Variants in MAST1 observed in about 807,000 individuals in gnomAD.
The protein encoded by MAST1 is microtubule associated serine/threonine kinase 1, also known as microtubule-associated serine/threonine-protein kinase 1.
A neutral mutation model predicts 124.6 loss-of-function variants in MAST1; 40 were observed. The observed-to-expected ratio is 0.32, with a 90% CI of 0.25 to 0.42. MAST1 has a LOEUF of 0.42. Among genes scored for constraint, MAST1 ranks in the 10% least tolerant of loss-of-function variants. The probability of loss-of-function intolerance (pLI) is 1.00; values close to 1 mark genes in which losing one functional copy is unlikely to be tolerated. For synonymous variants in MAST1, 938 were observed against 939.4 expected, an observed-to-expected ratio of 1.00 and a Z score of 0.03; for missense variants, 1,558 against 2,181.9, an observed-to-expected ratio of 0.71 and a Z score of 5.70.
At chr19:12,869,910 C>T (rs1471096668) in intron 22 of MAST1, among the ~76,000 whole-genome samples, 6 of 151,498 alleles carry the variant, frequency 4.0e-5, no homozygotes, top group Non-Finnish European at 7.4e-5. Context: ...AAAATTGGGC[C>T]GAGCGCGGTG....
intron 2 of MAST1, among the ~76,000 whole-genome samples, 174 bp downstream of exon 2, chr19:12,840,708 C>A (rs1481666054): frequency 4.6e-5 from 7 of 151,606 alleles, no homozygotes; most frequent in Non-Finnish European, 8.8e-5. Flanking sequence ...GAGGGACGGT[C>A]ATTGGGGGGC....
Position 12,873,320 on chromosome 19 carries a change from G to T in MAST1, c.3264-4G>T, listed in dbSNP as rs765092789. On this transcript the variant is annotated splice_polypyrimidine_tract_variant and splice_region_variant and intron_variant, in intron 24 of 25. Transcript: ENST00000251472. ...GGACGCTTGGCCCCCTCCCTGTCCC[G>T]CAGCAAGAAGCGCAGCTCCCTCTTC... is the stretch of plus-strand genomic sequence containing the variant. 6.2e-7 allele frequency: 1 copy of T among 1,611,196 alleles called. No individual in the cohort carries two copies. Among genetic ancestry groups the T allele is most frequent in the East Asian group, 2.2e-5 (1 of 44,760 alleles).
chr19:12,838,817 G>A lies in MAST1; in HGVS notation c.83+162G>A, dbSNP rs1357587520. Among the ~76,000 whole-genome samples the A allele has an allele frequency of 2.0e-5, 3 of 151,786 alleles. No individual in the cohort carries two copies. The highest frequency in any genetic ancestry group is 4.8e-5 in the African/African-American group (2 of 41,328). ...CGGGGTTGGGGTTGAATGGGGGGTGGTGTGGGCCGAGTCTGGGGGGCTTGC... is the reference window on the plus strand; with the variant it reads ...CGGGGTTGGGGTTGAATGGGGGGTGATGTGGGCCGAGTCTGGGGGGCTTGC... On this transcript the variant is annotated intron_variant, in intron 1 of 25. Transcript: ENST00000251472. The surrounding 1 kb of genome is among the most constrained non-coding windows in gnomAD (Gnocchi z 4.3).
Position 12,873,670 on chromosome 19 carries a change from G to A in MAST1, c.3513G>A (p.Ala1171=), listed in dbSNP as rs34167019. 8.1e-6 allele frequency: 13 copies of A among 1,598,328 alleles called. No individual in the cohort carries two copies. In the African/African-American group the frequency reaches 1.7e-4, roughly 21 times the overall value. ...CGCCCAACTCGCCTGCGTCGTCGGC[G>A]TCGCACCACATTCGGCCCAGCACGC... ...SSTPNSPASS[A]SHHIRPSTLH... is the part of the protein sequence containing the mutation. Residue 1171 remains alanine, a synonymous_variant, in exon 26 of 26, where the codon GCG becomes GCA. Coordinates refer to ENST00000251472, the MANE Select transcript of MAST1 (RefSeq NM_014975.3).
chr19:12,873,485 G>C lies in MAST1; in HGVS notation c.3425G>C (p.Arg1142Pro). The change falls in exon 25 of 26, where the codon CGC (arginine) becomes CCC (proline). Residue 1142 changes from arginine to proline, a missense_variant. Around this residue, in one of 10 missense-constraint regions of MAST1, gnomAD observed 291 missense variants for 475.8 expected, o/e 0.61. Transcript: ENST00000251472. ...GCGCGCTCGCCCACGCACAGCTACC[G>C]CTCCACGCCTGACTCCGCCTACCTA... ...LPARSPTHSY[R>P]STPDSAYLGA... The C allele has an allele frequency of 6.2e-7, 1 of 1,607,260 alleles. No homozygotes were observed. Among genetic ancestry groups the C allele is most frequent in the Non-Finnish European group, 8.5e-7 (1 of 1,178,986 alleles).
rs748679075 is a variant in MAST1, at chr19:12,858,584, A to C, written c.1211A>C (p.Lys404Thr). Residue 404 changes from lysine (K) to threonine (T), a missense_variant, in exon 12 of 26, where the codon AAG (lysine) becomes ACG (threonine). By Grantham distance (78) the Lys-to-Thr change is moderately conservative (BLOSUM62 -1). Transcript: ENST00000251472. Reference protein sequence around the residue: ...RDTRQRFAMKKINKQNLILRN... With the variant: ...RDTRQRFAMKTINKQNLILRN... ...ACGCGGCAGCGCTTTGCCATGAAAA[A>C]GATCAACAAGCAGAACTTGATCCTC... The C allele has an allele frequency of 6.2e-7, 1 of 1,614,242 alleles. No homozygotes were observed.
At chr19:12,870,318 T>C (rs547537148) in intron 22 of MAST1, among the ~76,000 whole-genome samples, 36 of 149,160 alleles carry the variant, frequency 2.4e-4, no homozygotes, top group Admixed American at 1.0e-3. Context: ...TGAAACCCCA[T>C]CTCTACTAAA....
intron 10 of MAST1, among the ~76,000 whole-genome samples, chr19:12,857,187 G>A (rs948382168): frequency 1.3e-4 from 20 of 151,706 alleles, no homozygotes; most frequent in Admixed American, 8.6e-4. Context: ...GGGTTCAAGC[G>A]ATTCTCCTGC....
chr19:12,854,698 T>C (rs1210673354), intron 10 of MAST1, among the ~76,000 whole-genome samples: 1 of 152,224 alleles, frequency 6.6e-6, no homozygotes. Context: ...TTATTTAGGA[T>C]ATACGTCTAG....
At chr19:12,873,232 T>C in intron 24 of MAST1, 92 bp from the exon 25 acceptor site, 1 of 1,255,486 alleles carries the variant, frequency 8.0e-7, no homozygotes, top group Non-Finnish European at 1.1e-6. Context: ...CCAGAAGGGG[T>C]GGGTGGTTAC....
chr19:12,842,585 G>A (rs1599575778), intron 3 of MAST1, among the ~76,000 whole-genome samples: 1 of 152,134 alleles, frequency 6.6e-6, no homozygotes, highest in South Asian at 2.1e-4. Context: ...GAGCCACCGC[G>A]CCCGTCCAGT....
chr19:12,874,633 C>A lies in MAST1; in HGVS notation c.4476C>A (p.Ser1492Arg). 1.3e-6 allele frequency: 2 copies of A among 1,519,804 alleles called. No homozygotes were observed. The highest frequency in any genetic ancestry group is 1.8e-6 in the Non-Finnish European group (2 of 1,132,772). The allele number at this position is 1,519,804 out of a possible 1,614,324, so 94.1% of individuals were successfully genotyped here. ...LEVVEERTTL[S>R]GPRSKPASPK... The stretch of plus-strand genomic sequence containing the variant: ...TGGTGGAGGAGCGCACCACGCTGAG[C>A]GGTCCTCGCTCCAAGCCCGCCTCCC... Residue 1492 changes from serine to arginine, a missense_variant, in exon 26 of 26, where the codon AGC becomes AGA. By Grantham distance (110) the Ser-to-Arg change is moderately radical. This residue lies in a region of MAST1 where 168 missense variants were observed against 154.3 expected (regional missense o/e 1.09). Coordinates refer to ENST00000251472, the MANE Select transcript of MAST1 (RefSeq NM_014975.3). The surrounding 1 kb of genome is among the most constrained non-coding windows in gnomAD (Gnocchi z 6.6).
At chr19:12,864,700 C>T in intron 12 of MAST1, 109 bp from the exon 13 acceptor site, 2 of 1,434,820 alleles carry the variant, frequency 1.4e-6, no homozygotes, top group East Asian at 2.3e-5. Flanking sequence ...GCCTCAGTTT[C>T]CCTTATCTAT....
intron 3 of MAST1, among the ~76,000 whole-genome samples, chr19:12,842,928 T>C (rs1285196542): frequency 3.3e-5 from 5 of 152,048 alleles, no homozygotes; most frequent in Non-Finnish European, 5.9e-5. Flanking sequence ...TTTGGGTCCA[T>C]GGATGGGATA....
rs777246486 is a variant in MAST1 at position 12,866,618 on chromosome 19, C to T, written c.2030-35C>T. On this transcript the variant is annotated intron_variant, in intron 17 of 25. Transcript: ENST00000251472. The surrounding 1 kb of genome is among the most constrained non-coding windows in gnomAD (Gnocchi z 5.2). ...GGGGATGTGATATGAGGAGGAACCC[C>T]GTACCCTCAGTCACAGCCCATACCC... is the stretch of plus-strand genomic sequence containing the variant. 2 of 1,419,948 alleles carry T rather than the reference C, an allele frequency of 1.4e-6. No individual in the cohort carries two copies. The highest frequency in any genetic ancestry group is 1.4e-5 in the African/African-American group (1 of 70,748). The allele number at this position is 1,419,948 out of a possible 1,614,324, so 88.0% of individuals were successfully genotyped here. A position where few individuals can be genotyped will look rare whatever the true frequency, so the allele number is the denominator to read the frequency against.
In MAST1 at chr19:12,847,820, C is replaced by G. The variant is rs1215264582; in HGVS notation, c.565-28C>G. 4 of 1,594,346 alleles carry G rather than the reference C, an allele frequency of 2.5e-6. No individual in the cohort carries two copies. The highest frequency in any genetic ancestry group is 2.3e-5 in the East Asian group (1 of 44,146). ...GCGGCCGCAGCCTTCGGGCACAGCC[C>G]CGCGCCCCTCCTCCGTCCCTCCCGC... On this transcript the variant is annotated intron_variant, in intron 6 of 25. Transcript: ENST00000251472. The surrounding 1 kb of genome is among the most constrained non-coding windows in gnomAD (Gnocchi z 5.5).
At chr19:12,858,303 T>C in intron 10 of MAST1, 59 bp from the exon 11 acceptor site, 1 of 1,436,386 alleles carries the variant, frequency 7.0e-7, no homozygotes, top group Non-Finnish European at 9.6e-7. Flanking sequence ...AAAATGAAAT[T>C]AAAAGCATCC....
chr19:12,862,915 C>T (rs534638716), intron 12 of MAST1, among the ~76,000 whole-genome samples: 2 of 151,874 alleles, frequency 1.3e-5, no homozygotes, highest in Admixed American at 1.3e-4. Flanking sequence ...GATGTGCCTG[C>T]CTCGGCTTCC....
At position 12,869,190 on chromosome 19, in the gene MAST1, C is replaced by G. The variant is rs375859312; in HGVS notation, c.2898C>G (p.Ser966=). 3.7e-6 allele frequency: 6 copies of G among 1,614,078 alleles called. No individual in the cohort carries two copies. The highest frequency in any genetic ancestry group is 2.7e-5 in the African/African-American group (2 of 74,918). ...CACCAGCTGTCAGTGGGCTCCGCTC[C>G]CCCATCACCATCCAGCGCTCGGGCA... ...DYSPAVSGLR[S]PITIQRSGKK... The change falls in exon 22 of 26, where the codon TCC becomes TCG. Residue 966 remains serine (S), a synonymous_variant. Coordinates refer to ENST00000251472, the MANE Select transcript of MAST1 (RefSeq NM_014975.3).
Sources: allele counts gnomAD v4.1 joint callset (sites outside exome capture counted in the v4.1 genomes callset), GRCh38; gene constraint gnomAD v4.1.1; regional missense constraint gnomAD v4.1.1; non-coding constraint Gnocchi (gnomAD v3.1); transcripts MANE v1.5; gene names NCBI Gene and HGNC (gene_info 2026-07-23, HGNC 2026-07-21).